The following MROH2A variants were observed in gnomAD, a reference collection of about 807,000 sequenced individuals.
MROH2A encodes maestro heat like repeat family member 2A, also known as maestro heat-like repeat-containing protein family member 2A.
In MROH2A, 174 loss-of-function variants were observed where a neutral mutation model predicts 200.4. The observed-to-expected ratio is 0.87, with a 90% CI of 0.77 to 0.98. MROH2A has a LOEUF of 0.98. Ranked by LOEUF, MROH2A falls within the 50% of genes least tolerant of loss-of-function variation. The probability of loss-of-function intolerance (pLI) is 0.00; values close to 1 mark genes in which losing one functional copy is unlikely to be tolerated. For missense variants in MROH2A, 2,045 were observed against 2,139.6 expected, an observed-to-expected ratio of 0.96 and a Z score of 0.87; for synonymous variants, 829 against 840.4, an observed-to-expected ratio of 0.99 and a Z score of 0.23.
At chr2:233,806,648 G>A (rs1575965078) in intron 19 of MROH2A, among the ~76,000 whole-genome samples, 1 of 152,196 alleles carries the variant, frequency 6.6e-6, no homozygotes, top group East Asian at 1.9e-4. Context: ...AGAAATTGGT[G>A]CGCTTAGGTT....
intron 33 of MROH2A, 122 bp from the exon 34 acceptor site, chr2:233,822,759 T>A: frequency 7.7e-7 from 1 of 1,306,392 alleles, no homozygotes. Context: ...CCTGGACCTT[T>A]CCCTCAGTCC....
Position 233,793,836 on chromosome 2 carries a change from C to A in MROH2A, c.822+12C>A. On this transcript the variant is annotated intron_variant, in intron 7 of 41. Coordinates refer to ENST00000389758, the MANE Select transcript of MROH2A (RefSeq NM_001394639.1). ...ACTACAACCCCGAGGTGAGATGCAC[C>A]CCTCTTAGGAGGGCCTGGTGGTCCC... 2 of 1,391,152 alleles carry A rather than the reference C, an allele frequency of 1.4e-6. No homozygotes were observed. Among genetic ancestry groups the A allele is most frequent in the Non-Finnish European group, 1.9e-6 (2 of 1,068,088 alleles). 86.2% of individuals were successfully genotyped at this position (1,391,152 alleles called of 1,614,324 possible).
rs2270856 is a variant in MROH2A at position 233,833,162 on chromosome 2, C to T, written c.4928C>T (p.Pro1643Leu). Residue 1643 changes from proline (P) to leucine (L), a missense_variant, in exon 42 of 42, where the codon CCG (proline) becomes CTG (leucine). Pro to Leu is a moderately conservative substitution (Grantham distance 98). Around this residue, in one of 3 missense-constraint regions of MROH2A, gnomAD observed 1,201 missense variants for 1,311.3 expected, o/e 0.92. Transcript: ENST00000389758. ...RNSLQELQLD[P>L]DPGVRRAALE... ...GCCCTCCAGGAACTACAGCTGGACC[C>T]GGATCCCGGGGTCAGGAGGGCAGCC... The T allele has an allele frequency of 0.068, 105,261 of 1,549,090 alleles. 3,935 individuals carry two copies. The highest frequency in any genetic ancestry group is 0.14 in the East Asian group (5,694 of 40,908).
chr2:233,821,994 C>A (rs1370125729), intron 31 of MROH2A, 130 bp from the exon 32 acceptor site: 5 of 1,186,692 alleles, frequency 4.2e-6, no homozygotes, highest in Non-Finnish European at 5.7e-6. Context: ...GCGGCTCCCT[C>A]CGCCTCCCTG....
In MROH2A at chr2:233,796,269, G is replaced by A. The variant is rs932267372; in HGVS notation, c.1208G>A (p.Arg403His). Residue 403 changes from arginine (R) to histidine (H), a missense_variant, in exon 11 of 42, where the codon CGC (arginine) becomes CAC (histidine). Transcript: ENST00000389758. Reference protein sequence around the residue: ...SQMETNKEAVRVGTLNLIRAI... With the variant: ...SQMETNKEAVHVGTLNLIRAI... ...ATGGAGACAAACAAGGAGGCCGTCC[G>A]CGTGGGGACTCTGAATCTGATTAGG... The A allele has an allele frequency of 8.4e-5, 126 of 1,501,470 alleles. No individual in the cohort carries two copies. The highest frequency in any genetic ancestry group is 1.0e-4 in the Non-Finnish European group (115 of 1,116,720). The allele number at this position is 1,501,470 out of a possible 1,614,324, so 93.0% of individuals were successfully genotyped here.
At position 233,819,480 on chromosome 2, in the gene MROH2A, C is replaced by G. The variant is rs767746376; in HGVS notation, c.3357+11C>G. ...GAGCTGGAGGACAAGGTGGCAGAGC[C>G]GCGGCAGGGCCACCAGAGAGAGGGG... On this transcript the variant is annotated intron_variant, in intron 30 of 41. Transcript: ENST00000389758. 10 of 1,548,648 alleles carry G rather than the reference C, an allele frequency of 6.5e-6. No homozygotes were observed. The highest frequency in any genetic ancestry group is 1.7e-4 in the Middle Eastern group (1 of 5,890).
At chr2:233,789,273 C>A (rs970927618) in intron 3 of MROH2A, among the ~76,000 whole-genome samples, 3 of 152,106 alleles carry the variant, frequency 2.0e-5, no homozygotes, top group Admixed American at 2.0e-4. Context: ...TTACTGAAAT[C>A]GGGCAGGAAT....
chr2:233,828,602 G>C lies in MROH2A; in HGVS notation c.4114-28G>C. 1 of 1,546,258 alleles carries C rather than the reference G, an allele frequency of 6.5e-7. No homozygotes were observed. The highest frequency in any genetic ancestry group is 1.2e-5 in the South Asian group (1 of 83,914). ...TGCTGAGAAATGAGCCCGCCCTGGG[G>C]ATAACTGCCCAATGTCCTCCCTTCC... On this transcript the variant is annotated intron_variant, in intron 35 of 41. Transcript: ENST00000389758. The surrounding 1 kb of genome is among the most constrained non-coding windows in gnomAD (Gnocchi z 4.6).
chr2:233,823,154 T>C (rs1704066289), intron 34 of MROH2A, 136 bp downstream of exon 34: 5 of 912,102 alleles, frequency 5.5e-6, no homozygotes, highest in Non-Finnish European at 8.3e-6. Flanking sequence ...CGCCAACCTG[T>C]GACTCTAGGA....
At chr2:233,799,350 A>G (rs1702312628) in intron 12 of MROH2A, among the ~76,000 whole-genome samples, 1 of 152,068 alleles carries the variant, frequency 6.6e-6, no homozygotes, top group South Asian at 2.1e-4. Flanking sequence ...GAGGGAATGG[A>G]GGAGAATGGG....
At position 233,818,059 on chromosome 2, in the gene MROH2A, T is replaced by C; in HGVS notation, c.3019T>C (p.Cys1007Arg). The C allele has an allele frequency of 1.3e-6, 2 of 1,550,998 alleles. No homozygotes were observed. The highest frequency in any genetic ancestry group is 2.4e-5 in the South Asian group (2 of 84,062). ...GGTCGGACTCATTGCCCCGTGCACC[T>C]GTGATGCCCATCAAAGAACCCGCAT... ...TMVGLIAPCT[C>R]DAHQRTRMAS... is the part of the protein sequence containing the mutation. The change falls in exon 28 of 42, where the codon TGT (cysteine) becomes CGT (arginine). Residue 1007 changes from cysteine to arginine, a missense_variant. By Grantham distance (180) the Cys-to-Arg change is radical (BLOSUM62 -3). Coordinates refer to ENST00000389758, the MANE Select transcript of MROH2A (RefSeq NM_001394639.1).
intron 33 of MROH2A, 27 bp from the exon 34 acceptor site, chr2:233,822,854 G>T (rs770486046): frequency 1.3e-6 from 2 of 1,549,176 alleles, no homozygotes; most frequent in Non-Finnish European, 1.7e-6. Flanking sequence ...GCAGGGCAGC[G>T]CATCACAAGC....
chr2:233,792,942 G>T, intron 6 of MROH2A, 48 bp downstream of exon 6: 1 of 1,532,164 alleles, frequency 6.5e-7, no homozygotes. Flanking sequence ...CAGGGCGCCG[G>T]AGGGAGACTG....
rs1559453236 is a variant in MROH2A at position 233,798,822 on chromosome 2, A to G, written c.1301A>G (p.Lys434Arg). ...RAIYLAIRVVKNTISDTRSKV... is the reference protein window; with the variant it reads ...RAIYLAIRVVRNTISDTRSKV... The stretch of plus-strand genomic sequence containing the variant: ...ATCTACCTGGCTATCCGGGTAGTCA[A>G]GAACACCATCTCTGATACCCGGTCC... The change falls in exon 12 of 42, where the codon AAG becomes AGG. Residue 434 changes from lysine (K) to arginine (R), a missense_variant. Coordinates refer to ENST00000389758, the MANE Select transcript of MROH2A (RefSeq NM_001394639.1). 6.4e-7 allele frequency: 1 copy of G among 1,550,520 alleles called. No individual in the cohort carries two copies. Among genetic ancestry groups the G allele is most frequent in the Non-Finnish European group, 8.7e-7 (1 of 1,146,946 alleles).
intron 23 of MROH2A, among the ~76,000 whole-genome samples, chr2:233,811,398 A>G (rs1209643967): frequency 6.6e-6 from 1 of 152,206 alleles, no homozygotes; most frequent in Non-Finnish European, 1.5e-5. Context: ...CTCCCCACTC[A>G]TGTCATTGCC....
intron 3 of MROH2A, among the ~76,000 whole-genome samples, chr2:233,784,688 T>C (rs1413171400): frequency 6.6e-6 from 1 of 152,166 alleles, no homozygotes; most frequent in East Asian, 1.9e-4. Flanking sequence ...ATGCACTGGC[T>C]CCCCTTTTGC....
intron 16 of MROH2A, among the ~76,000 whole-genome samples, 152 bp from the exon 17 acceptor site, chr2:233,803,899 G>T (rs1350070304): frequency 6.6e-6 from 1 of 152,164 alleles, no homozygotes; most frequent in East Asian, 1.9e-4. Context: ...CCTTCCTGTA[G>T]TGTCCTCTGC....
At chr2:233,790,083 C>A in intron 5 of MROH2A, 69 bp downstream of exon 5, 1 of 1,371,422 alleles carries the variant, frequency 7.3e-7, no homozygotes, top group Non-Finnish European at 9.8e-7. Context: ...CTGCCCCTCC[C>A]ATCTATCCCT....
chr2:233,789,277 C>G, intron 3 of MROH2A, among the ~76,000 whole-genome samples: 1 of 152,098 alleles, frequency 6.6e-6, no homozygotes, highest in East Asian at 1.9e-4. Flanking sequence ...TGAAATCGGG[C>G]AGGAATACAG....
Sources: gnomAD v4.1 joint callset for allele counts (sites outside exome capture counted in the v4.1 genomes callset) on GRCh38, gnomAD v4.1.1 for gene constraint, gnomAD v4.1.1 regional missense constraint, Gnocchi (gnomAD v3.1) non-coding constraint, MANE v1.5 for transcripts, NCBI Gene and HGNC (gene_info 2026-07-23, HGNC 2026-07-21) for gene names.